LEKR1: variants seen among roughly 807,000 people sequenced by gnomAD.
LEKR1 encodes the protein protein LEKR1.
A neutral mutation model predicts 72.4 loss-of-function variants in LEKR1; 59 were observed. The ratio of observed to expected loss-of-function variants is 0.82; its 90% CI spans 0.66 to 1.01. The LOEUF is 1.01. LEKR1 is among the 50% of genes least tolerant of loss of function. The pLI is 0.00. For synonymous variants in LEKR1, 257 were observed against 263.2 expected (o/e 0.98, Z 0.23); for missense variants, 728 against 759.2 (o/e 0.96, Z 0.48).
At chr3:156,988,136 A>C (rs1730856856) in intron 7 of LEKR1, 1 of 164,372 alleles carries the variant, frequency 6.1e-6, no homozygotes, top group Admixed American at 6.1e-5. Flanking sequence ...CATGTGCAGG[A>C]ACACCAAGAG....
At chr3:157,042,879 C>T (rs112723451) in intron 12 of LEKR1, among the ~76,000 whole-genome samples, 1,955 of 152,168 alleles carry the variant, frequency 0.013, 19 homozygotes, top group South Asian at 0.021. Flanking sequence ...TTATTGAAAA[C>T]CAAGCCACTT....
At chr3:156,936,466 C>G (rs1249555227) in intron 5 of LEKR1, among the ~76,000 whole-genome samples, 2 of 57,280 alleles carry the variant, frequency 3.5e-5, no homozygotes, top group African/African-American at 6.7e-5. Flanking sequence ...CACACACACA[C>G]CCCCCGTATG....
chr3:156,898,835 C>G (rs1343145674), intron 3 of LEKR1, among the ~76,000 whole-genome samples: 4 of 151,944 alleles, frequency 2.6e-5, no homozygotes, highest in Admixed American at 6.6e-5. Flanking sequence ...AACAAACAAA[C>G]AAACAAAAAA....
chr3:156,851,392 GA>G (rs1715343425), intron 2 of LEKR1, among the ~76,000 whole-genome samples: 1 of 152,186 alleles, frequency 6.6e-6, no homozygotes, highest in African/African-American at 2.4e-5. Flanking sequence ...ACAACTGGCA[GA>G]AGATGGAACA....
intron 12 of LEKR1, among the ~76,000 whole-genome samples, chr3:157,043,188 G>A (rs965715729): frequency 3.3e-5 from 5 of 152,170 alleles, no homozygotes. Context: ...CCTAGAAGCA[G>A]AAGTGGCTAA....
chr3:156,977,562 C>A, intron 6 of LEKR1: 1 of 342,652 alleles, frequency 2.9e-6, no homozygotes. Context: ...TCAAAGGAAG[C>A]AGAGGATACA....
chr3:156,835,841 C>T (rs1038699319), intron 2 of LEKR1, among the ~76,000 whole-genome samples: 2 of 150,500 alleles, frequency 1.3e-5, no homozygotes, highest in Non-Finnish European at 3.0e-5. Flanking sequence ...CTCTCCCTCC[C>T]CCCAAGTCTT....
chr3:156,939,283 C>T (rs371150835), intron 5 of LEKR1, among the ~76,000 whole-genome samples: 1 of 152,114 alleles, frequency 6.6e-6, no homozygotes, highest in East Asian at 1.9e-4. Context: ...TGTGAATACA[C>T]AGGGAAAAGG....
intron 3 of LEKR1, among the ~76,000 whole-genome samples, chr3:156,906,781 A>G (rs554064526): frequency 1.3e-5 from 2 of 152,310 alleles, no homozygotes; most frequent in South Asian, 2.1e-4. Flanking sequence ...TTGAGAAGCT[A>G]TTTGTATGTA....
At chr3:156,845,626 T>C (rs1014575535) in intron 2 of LEKR1, among the ~76,000 whole-genome samples, 19 of 152,090 alleles carry the variant, frequency 1.2e-4, no homozygotes, top group South Asian at 4.1e-4. Flanking sequence ...TTTGTACCTT[T>C]GTCAAAAATC....
chr3:156,826,644 C>G (rs1462746231), intron 1 of LEKR1: 3 of 155,574 alleles, frequency 1.9e-5, no homozygotes, highest in Non-Finnish European at 4.4e-5. Flanking sequence ...CCGCACCCTC[C>G]TCCTCCTCCT....
At chr3:156,997,867 T>A (rs925077132) in intron 9 of LEKR1, among the ~76,000 whole-genome samples, 2 of 152,228 alleles carry the variant, frequency 1.3e-5, no homozygotes, top group African/African-American at 4.8e-5. Flanking sequence ...AATCTATTTA[T>A]TTGGGCATTG....
At chr3:156,993,909 C>CT (rs991619047) in intron 9 of LEKR1, among the ~76,000 whole-genome samples, 3 of 151,872 alleles carry the variant, frequency 2.0e-5, no homozygotes, top group African/African-American at 7.3e-5. Context: ...TTTCTGAATC[C>CT]TTTTGTTTTA....
intron 3 of LEKR1, among the ~76,000 whole-genome samples, chr3:156,885,582 C>A (rs1201085185): frequency 6.6e-6 from 1 of 152,192 alleles, no homozygotes; most frequent in Admixed American, 6.5e-5. Context: ...AGCTGGACTA[C>A]CACAAGTGGG....
At chr3:156,998,216 G>A (rs1294582430) in intron 9 of LEKR1, among the ~76,000 whole-genome samples, 1 of 152,036 alleles carries the variant, frequency 6.6e-6, no homozygotes, top group Non-Finnish European at 1.5e-5. Context: ...GGCATATTGT[G>A]GGTTAAAAAG....
At chr3:156,876,756 A>G (rs749084353) in intron 3 of LEKR1, among the ~76,000 whole-genome samples, 6 of 152,226 alleles carry the variant, frequency 3.9e-5, no homozygotes, top group Non-Finnish European at 8.8e-5. Flanking sequence ...ATACAATCAT[A>G]TCATCAGCAT....
Position 157,045,473 on chromosome 3 carries a change from C to G in LEKR1, c.1802C>G (p.Ser601Cys), listed in dbSNP as rs547625021. 156 of 1,614,154 alleles carry G rather than the reference C, an allele frequency of 9.7e-5. No individual in the cohort carries two copies. The South Asian group carries it at 1.6e-3, about 17-fold the overall frequency. Residue 601 changes from serine (S) to cysteine (C), a missense_variant, in exon 13 of 13, where the codon TCC becomes TGC. Transcript: ENST00000356539. ...GGAAGTTTACCATTCTCACCGTGTT[C>G]CCTCAGCAAGGGCAGCCTAACCTCC... ...LRGSLPFSPC[S>C]LSKGSLTSPA... is the part of the protein sequence containing the mutation.
chr3:156,972,106 T>C (rs561738875), intron 6 of LEKR1, among the ~76,000 whole-genome samples: 30 of 152,244 alleles, frequency 2.0e-4, no homozygotes, highest in African/African-American at 7.2e-4. Flanking sequence ...GTCCAACTAT[T>C]ATAGACTGGA....
intron 6 of LEKR1, among the ~76,000 whole-genome samples, chr3:156,973,229 C>A (rs539759866): frequency 6.6e-6 from 1 of 152,166 alleles, no homozygotes; most frequent in South Asian, 2.1e-4. Flanking sequence ...AGCACTATAA[C>A]AGATAAGGTT....
Sources: allele counts gnomAD v4.1 joint callset (sites outside exome capture counted in the v4.1 genomes callset), GRCh38; gene constraint gnomAD v4.1.1; transcripts MANE v1.5; gene names NCBI Gene and HGNC (gene_info 2026-07-23, HGNC 2026-07-21).